The following TMEM178B variants were observed in gnomAD, a reference collection of about 807,000 sequenced individuals.
TMEM178B encodes transmembrane protein 178B.
Under a neutral mutation model 31.0 loss-of-function variants are expected in TMEM178B, and 5 were observed. The observed-to-expected ratio is 0.16, with a 90% CI of 0.08 to 0.34. The LOEUF (loss-of-function observed/expected upper bound fraction) is 0.34. Among genes scored for constraint, TMEM178B ranks in the 10% least tolerant of loss-of-function variants. TMEM178B has a pLI of 1.00. For missense variants in TMEM178B, 275 were observed against 400.3 expected (o/e 0.69, Z 2.67); for synonymous variants, 164 against 164.0 (o/e 1.00, Z 0.00).
intron 2 of TMEM178B, among the ~76,000 whole-genome samples, chr7:141,277,974 T>C (rs1436174147): frequency 6.6e-6 from 1 of 152,202 alleles, no homozygotes; most frequent in Admixed American, 6.5e-5. Context: ...TATGAAGATA[T>C]GAAGAGTCAG....
At chr7:141,178,593 T>C (rs1482024189) in intron 1 of TMEM178B, among the ~76,000 whole-genome samples, 12 of 152,230 alleles carry the variant, frequency 7.9e-5, no homozygotes, top group African/African-American at 2.9e-4. Context: ...TGGCTTGTTT[T>C]AGCCATGATT....
At chr7:141,460,636 C>T (rs1802044473) in intron 3 of TMEM178B, among the ~76,000 whole-genome samples, 1 of 152,180 alleles carries the variant, frequency 6.6e-6, no homozygotes, top group Admixed American at 6.5e-5. Context: ...TCCCTGTAGT[C>T]GCTTGAGTTG....
intron 2 of TMEM178B, among the ~76,000 whole-genome samples, chr7:141,328,903 T>C (rs572667184): frequency 4.5e-4 from 68 of 150,228 alleles, no homozygotes; most frequent in African/African-American, 1.7e-3. Context: ...TGTGAATAGC[T>C]CAAGGTGACT....
chr7:141,140,893 C>T lies in TMEM178B; in HGVS notation c.382+66201C>T, dbSNP rs1362345481. Among the ~76,000 whole-genome samples the T allele has an allele frequency of 3.9e-5, 6 of 152,120 alleles. No homozygotes were observed. In the East Asian group the frequency reaches 7.7e-4, roughly 20 times the overall value. Reference sequence around the variant, plus strand: ...TATCAATGTGATTTATGAATGTTGACGTTGATTTTGATCACCTGAATGGGG... The same window carrying T: ...TATCAATGTGATTTATGAATGTTGATGTTGATTTTGATCACCTGAATGGGG... On this transcript the variant is annotated intron_variant, in intron 1 of 3. Coordinates refer to ENST00000565468, the MANE Select transcript of TMEM178B (RefSeq NM_001195278.2).
chr7:141,322,410 A>T (rs1190857658), intron 2 of TMEM178B, among the ~76,000 whole-genome samples: 1 of 151,570 alleles, frequency 6.6e-6, no homozygotes, highest in East Asian at 1.9e-4. Context: ...ATATGCCTGT[A>T]GTCAGTCCCA....
chr7:141,445,839 C>A (rs1449639912), intron 3 of TMEM178B, among the ~76,000 whole-genome samples: 1 of 152,164 alleles, frequency 6.6e-6, no homozygotes, highest in Non-Finnish European at 1.5e-5. Context: ...TGCCAATCTG[C>A]TTTTATAGTT....
At chr7:141,396,398 G>T (rs73169552) in intron 2 of TMEM178B, among the ~76,000 whole-genome samples, 3,330 of 152,192 alleles carry the variant, frequency 0.022, 72 homozygotes, top group Admixed American at 0.075. Context: ...TCCCAAAGGC[G>T]CCCCATACTT....
intron 3 of TMEM178B, among the ~76,000 whole-genome samples, chr7:141,468,119 C>T (rs1053392687): frequency 1.3e-5 from 2 of 152,036 alleles, no homozygotes; most frequent in Admixed American, 1.3e-4. Context: ...GTATTTCTTC[C>T]TCTGGATCTG....
At chr7:141,091,034 G>A (rs575028498) in intron 1 of TMEM178B, among the ~76,000 whole-genome samples, 1 of 152,096 alleles carries the variant, frequency 6.6e-6, no homozygotes, top group African/African-American at 2.4e-5. Flanking sequence ...TGCATTGCTT[G>A]GCTCTCTAAA....
At chr7:141,305,436 C>T (rs1213316569) in intron 2 of TMEM178B, among the ~76,000 whole-genome samples, 1 of 150,952 alleles carries the variant, frequency 6.6e-6, no homozygotes, top group Non-Finnish European at 1.5e-5. Context: ...TTCTTTTTTT[C>T]TTTTTTTTTG....
At chr7:141,483,195 G>A (rs772503605), downstream of TMEM178B, among the ~76,000 whole-genome samples, 1 of 152,178 alleles carries the variant, frequency 6.6e-6, no homozygotes, top group Non-Finnish European at 1.5e-5. Context: ...CCTTGGGATG[G>A]GCAGAGTTGG....
chr7:141,207,188 A>G (rs147251096), intron 1 of TMEM178B, among the ~76,000 whole-genome samples: 2 of 152,312 alleles, frequency 1.3e-5, no homozygotes, highest in Non-Finnish European at 2.9e-5. Flanking sequence ...GCTTTCCCTT[A>G]TCCTTCATCT....
intron 1 of TMEM178B, among the ~76,000 whole-genome samples, chr7:141,111,642 C>T (rs560929260): frequency 3.3e-5 from 5 of 151,650 alleles, no homozygotes; most frequent in Admixed American, 6.6e-5. Context: ...TTGTGTAGAT[C>T]GGAGAAGATG....
chr7:141,429,702 C>T (rs1431557353), intron 2 of TMEM178B: 1 of 152,096 alleles, frequency 6.6e-6, no homozygotes, highest in Non-Finnish European at 1.5e-5. Context: ...GTTACGTGCT[C>T]CTCCCACAAA....
intron 2 of TMEM178B, among the ~76,000 whole-genome samples, chr7:141,310,624 A>T (rs1307328637): frequency 1.3e-5 from 2 of 151,960 alleles, no homozygotes; most frequent in Non-Finnish European, 2.9e-5. Context: ...CCCTTCCTGG[A>T]ACGGTGATTA....
At chr7:141,294,695 A>T (rs1441876231) in intron 2 of TMEM178B, among the ~76,000 whole-genome samples, 1 of 152,164 alleles carries the variant, frequency 6.6e-6, no homozygotes, top group East Asian at 1.9e-4. Context: ...GGGGGCAGGG[A>T]TTTCATACCT....
chr7:141,290,643 T>C (rs1297939952), intron 2 of TMEM178B, among the ~76,000 whole-genome samples: 1 of 152,168 alleles, frequency 6.6e-6, no homozygotes, highest in Non-Finnish European at 1.5e-5. Flanking sequence ...CCTTCCATAG[T>C]CAGCTCAAGT....
intron 1 of TMEM178B, among the ~76,000 whole-genome samples, chr7:141,076,882 C>T (rs189888189): frequency 1.3e-5 from 2 of 152,324 alleles, no homozygotes; most frequent in Admixed American, 1.3e-4. Flanking sequence ...ATGGCTGTTT[C>T]TGTCCATTTG....
downstream of TMEM178B, among the ~76,000 whole-genome samples, chr7:141,483,611 G>A (rs1344102901): frequency 6.6e-6 from 1 of 152,170 alleles, no homozygotes; most frequent in Non-Finnish European, 1.5e-5. Flanking sequence ...TTTAGAAAAT[G>A]GAAGAGTTAG....
Sources: gnomAD v4.1 joint callset for allele counts (sites outside exome capture counted in the v4.1 genomes callset) on GRCh38, gnomAD v4.1.1 for gene constraint, MANE v1.5 for transcripts, NCBI Gene and HGNC (gene_info 2026-07-23, HGNC 2026-07-21) for gene names.